The following ACTA2 variants were observed in gnomAD, a reference collection of about 807,000 sequenced individuals.
ACTA2 encodes the protein actin alpha 2, smooth muscle, also known as actin, aortic smooth muscle.
ACTA2 carries 12 observed loss-of-function variants against 39.5 expected under a neutral mutation model. The ratio of observed to expected loss-of-function variants is 0.30; its 90% confidence interval spans 0.19 to 0.49. The LOEUF (loss-of-function observed/expected upper bound fraction) is 0.49. Ranked by LOEUF, ACTA2 falls within the 20% of genes least tolerant of loss-of-function variation. The probability of loss-of-function intolerance (pLI) is 0.99; values close to 1 mark genes in which losing one functional copy is unlikely to be tolerated. For missense variants in ACTA2, 236 were observed against 498.8 expected, an observed-to-expected ratio of 0.47 and a Z score of 5.02; for synonymous variants, 158 against 180.6, an observed-to-expected ratio of 0.88 and a Z score of 1.00.
At chr10:88,956,407 A>G (rs549144331), upstream of ACTA2, among the ~76,000 whole-genome samples, 566 of 152,242 alleles carry the variant, frequency 3.7e-3, 4 homozygotes, top group African/African-American at 0.013. Context: ...TCTCTTTCTG[A>G]CACTAATCCT....
chr10:88,956,039 T>C (rs1846132735), upstream of ACTA2, among the ~76,000 whole-genome samples: 1 of 152,200 alleles, frequency 6.6e-6, no homozygotes, highest in African/African-American at 2.4e-5. Context: ...TTATTAGCTA[T>C]TATTATTGTC....
chr10:88,974,262 A>G (rs1399866824), intron 1 of ACTA2: 1 of 152,160 alleles, frequency 6.6e-6, no homozygotes, highest in Non-Finnish European at 1.5e-5. Flanking sequence ...AAAAAAAAAA[A>G]ATCAGGCTCT....
At chr10:88,984,078 A>C (rs1049465082) in intron 1 of ACTA2, among the ~76,000 whole-genome samples, 2 of 152,234 alleles carry the variant, frequency 1.3e-5, no homozygotes, top group Non-Finnish European at 2.9e-5. Flanking sequence ...GGTTACTATC[A>C]TTCCTTTTTC....
chr10:88,944,522 T>C (rs1174348967), intron 3 of ACTA2, among the ~76,000 whole-genome samples: 3 of 152,228 alleles, frequency 2.0e-5, no homozygotes, highest in Non-Finnish European at 4.4e-5. Flanking sequence ...TAATTGACAC[T>C]TTTAATGCTT....
intron 1 of ACTA2, among the ~76,000 whole-genome samples, chr10:88,982,159 A>G (rs1045980341): frequency 6.6e-5 from 10 of 152,212 alleles, no homozygotes; most frequent in African/African-American, 1.9e-4. Flanking sequence ...CTACTGCAAG[A>G]TCCTCAAGTG....
At chr10:88,970,136 G>A (rs925348112) in intron 1 of ACTA2, among the ~76,000 whole-genome samples, 3 of 152,104 alleles carry the variant, frequency 2.0e-5, no homozygotes, top group African/African-American at 7.2e-5. Flanking sequence ...TAAAATTCAG[G>A]ATATGATACC....
At chr10:88,973,271 C>G in intron 1 of ACTA2, 1 of 1,612,482 alleles carries the variant, frequency 6.2e-7, no homozygotes, top group Admixed American at 1.7e-5. Context: ...GATTCCCACT[C>G]TTGGGGATCT....
chr10:88,961,452 G>A (rs1846224814), intron 1 of ACTA2, among the ~76,000 whole-genome samples: 1 of 152,250 alleles, frequency 6.6e-6, no homozygotes, highest in African/African-American at 2.4e-5. Flanking sequence ...CAACTGTCTG[G>A]GATGTCACTG....
intron 2 of ACTA2, chr10:88,948,543 A>G (rs1340667355): frequency 2.3e-6 from 1 of 434,484 alleles, no homozygotes; most frequent in Non-Finnish European, 4.3e-6. Flanking sequence ...GATGATGATG[A>G]TGATGATGAT....
chr10:88,947,827 T>C, intron 2 of ACTA2, among the ~76,000 whole-genome samples: 1 of 152,238 alleles, frequency 6.6e-6, no homozygotes, highest in East Asian at 1.9e-4. Flanking sequence ...AGTCATCACC[T>C]ACCCAAAAGA....
chr10:88,938,486 AT>A (rs1028539750), intron 7 of ACTA2: 1 of 509,204 alleles, frequency 2.0e-6, no homozygotes, highest in African/African-American at 1.9e-5. Context: ...GGTATCACTG[AT>A]TTTTTAATAG....
chr10:88,981,684 G>T (rs1846715082), intron 1 of ACTA2, among the ~76,000 whole-genome samples: 2 of 152,158 alleles, frequency 1.3e-5, no homozygotes, highest in Admixed American at 1.3e-4. Flanking sequence ...CTGTAGGGAG[G>T]GAGAGAGAGG....
chr10:88,963,819 TAC>T (rs1319221515), intron 1 of ACTA2, among the ~76,000 whole-genome samples: 3 of 152,184 alleles, frequency 2.0e-5, no homozygotes, highest in Admixed American at 6.5e-5. Context: ...GGATGGGATG[TAC>T]AGTCTTTGTT....
rs1847149383 is a variant in ACTA2 at position 88,990,975 on chromosome 10, G to A, written c.-60C>T. 1 of 1,607,366 alleles carries A rather than the reference G, an allele frequency of 6.2e-7. No individual in the cohort carries two copies. Among genetic ancestry groups the A allele is most frequent in the Non-Finnish European group, 8.5e-7 (1 of 1,174,364 alleles). ...CCCGGGGATAGGCAAAGTGGGGCGG[G>A]CGCGGGACGCGTGCGGGATTGCGGC... On this transcript the variant is annotated 5_prime_UTR_variant, in exon 1 of 5. Transcript: ENST00000415557. The surrounding 1 kb of genome is among the most constrained non-coding windows in gnomAD (Gnocchi z 4.9).
chr10:88,986,162 C>T (rs1429807154), intron 1 of ACTA2, among the ~76,000 whole-genome samples: 1 of 152,060 alleles, frequency 6.6e-6, no homozygotes, highest in Admixed American at 6.5e-5. Context: ...AGAAACATTG[C>T]CTTAAGCTAA....
intron 1 of ACTA2, among the ~76,000 whole-genome samples, chr10:88,960,631 G>A (rs983264865): frequency 2.7e-5 from 4 of 147,428 alleles, no homozygotes; most frequent in African/African-American, 4.9e-5. Flanking sequence ...CTGGTGGCCC[G>A]AAGGTTCCTG....
At chr10:88,967,278 T>C (rs188589120) in intron 1 of ACTA2, among the ~76,000 whole-genome samples, 1 of 152,278 alleles carries the variant, frequency 6.6e-6, no homozygotes, top group Admixed American at 6.5e-5. Flanking sequence ...TTACCTATGA[T>C]AAAAGGCATC....
At chr10:88,952,636 C>G (rs948881483) in intron 1 of ACTA2, 95 bp downstream of exon 1, 7 of 152,198 alleles carry the variant, frequency 4.6e-5, no homozygotes, top group Admixed American at 4.6e-4. Context: ...GTGCATGAAC[C>G]CAGCCAAATC....
intron 1 of ACTA2, among the ~76,000 whole-genome samples, chr10:88,985,404 T>C (rs1367962788): frequency 6.6e-6 from 1 of 152,242 alleles, no homozygotes; most frequent in Non-Finnish European, 1.5e-5. Context: ...TTGAACTAGA[T>C]GTTAATACCA....
Sources: gnomAD v4.1 joint callset for allele counts (sites outside exome capture counted in the v4.1 genomes callset) on GRCh38, gnomAD v4.1.1 for gene constraint, Gnocchi (gnomAD v3.1) non-coding constraint, MANE v1.5 for transcripts, NCBI Gene and HGNC (gene_info 2026-07-23, HGNC 2026-07-21) for gene names.